Variants in DCLK2 observed in about 807,000 individuals in gnomAD.
The protein encoded by DCLK2 is doublecortin like kinase 2.
In DCLK2, 31 loss-of-function variants were observed where a neutral mutation model predicts 78.4. The observed-to-expected ratio is 0.40, with a 90% CI of 0.30 to 0.53. The LOEUF (loss-of-function observed/expected upper bound fraction) is 0.53. DCLK2 is among the 20% of genes least tolerant of loss of function. The pLI, the probability that DCLK2 is intolerant of heterozygous loss-of-function variation, is 0.61. For missense variants in DCLK2, 872 were observed against 973.7 expected, an observed-to-expected ratio of 0.90 and a Z score of 1.39; for synonymous variants, 407 against 374.9, an observed-to-expected ratio of 1.09 and a Z score of -0.99.
Position 150,078,834 on chromosome 4 carries a change from A to T in DCLK2, c.-194A>T. 1 of 605,384 alleles carries T rather than the reference A, an allele frequency of 1.7e-6. No homozygotes were observed. Among genetic ancestry groups the T allele is most frequent in the Non-Finnish European group, 2.6e-6 (1 of 382,478 alleles). 37.5% of individuals were successfully genotyped at this position (605,384 alleles called of 1,614,324 possible). A position where few individuals can be genotyped will look rare whatever the true frequency, so the allele number is the denominator to read the frequency against. ...TGACCTGGGCAGCTCGGCGCTGCGG[A>T]CACTTTTAGCTGAGGGCGCGGGCGG... On this transcript the variant is annotated 5_prime_UTR_variant, in exon 1 of 16. Coordinates refer to ENST00000296550, the MANE Select transcript of DCLK2 (RefSeq NM_001040260.4).
At position 150,141,065 on chromosome 4, in the gene DCLK2, G is replaced by C. The variant is rs1028797670; in HGVS notation, c.756+38253G>C. 1.2e-4 allele frequency among the ~76,000 whole-genome samples: 19 copies of C among 152,302 alleles called. 1 individual carries two copies. Among genetic ancestry groups the C allele is most frequent in the Admixed American group, 1.2e-3 (19 of 15,300 alleles). ...GAAACCAAAGTGGCAACTGTGTGTG[G>C]CTTTGGGTGTTCTTGTTTTAGGGTG... On this transcript the variant is annotated intron_variant, in intron 2 of 15. Transcript: ENST00000296550.
chr4:150,157,760 G>T (rs1735415659), intron 2 of DCLK2, among the ~76,000 whole-genome samples: 1 of 152,126 alleles, frequency 6.6e-6, no homozygotes, highest in South Asian at 2.1e-4. Context: ...TGATCCGCCT[G>T]CCATGGCCTT....
At chr4:150,136,117 A>G (rs944986331) in intron 2 of DCLK2, among the ~76,000 whole-genome samples, 13 of 152,214 alleles carry the variant, frequency 8.5e-5, no homozygotes, top group African/African-American at 2.9e-4. Context: ...GAGTGAAACC[A>G]AGGATGGAGG....
At chr4:150,189,259 A>T (rs1738208735) in intron 2 of DCLK2, among the ~76,000 whole-genome samples, 2 of 152,156 alleles carry the variant, frequency 1.3e-5, no homozygotes. Context: ...AATAAAAATC[A>T]GTTCAATTCC....
chr4:150,113,111 C>T (rs752872685), intron 2 of DCLK2, among the ~76,000 whole-genome samples: 18 of 151,992 alleles, frequency 1.2e-4, no homozygotes, highest in Admixed American at 3.9e-4. Context: ...TGTGCCCAGC[C>T]TGAATTATCT....
At chr4:150,246,130 C>T (rs1322202769) in intron 12 of DCLK2, among the ~76,000 whole-genome samples, 1 of 151,902 alleles carries the variant, frequency 6.6e-6, no homozygotes, top group South Asian at 2.1e-4. Context: ...CTGCAACCTC[C>T]GCCTCCCAGG....
At chr4:150,160,308 A>G (rs1200042799) in intron 2 of DCLK2, among the ~76,000 whole-genome samples, 2 of 152,108 alleles carry the variant, frequency 1.3e-5, no homozygotes, top group Non-Finnish European at 2.9e-5. Context: ...GTGAGCCACC[A>G]TGCCCGATTT....
At chr4:150,147,649 A>G (rs1164527070) in intron 2 of DCLK2, among the ~76,000 whole-genome samples, 1 of 138,512 alleles carries the variant, frequency 7.2e-6, no homozygotes, top group Non-Finnish European at 1.6e-5. Flanking sequence ...CATTATGTAC[A>G]ATTTGTATTG....
chr4:150,175,061 TATTTATATATATTTATATATTTA>T lies in DCLK2; in HGVS notation c.757-18076_757-18054del, dbSNP rs1560834831. Among the ~76,000 whole-genome samples, 33 of 12,996 alleles carry T rather than the reference TATTTATATATATTTATATATTTA, an allele frequency of 2.5e-3. 9 individuals are homozygous for T. Among genetic ancestry groups the T allele is most frequent in the African/African-American group, 6.2e-3 (32 of 5,160 alleles). 8.5% of individuals were successfully genotyped at this position (12,996 alleles called of 152,430 possible). A position where few individuals can be genotyped will look rare whatever the true frequency, so the allele number is the denominator to read the frequency against. ...ATATATATTTATATATTTATATATA[TATTTATATATATTTATATATTTA>T]TATATATATTTATATATATTTATAT... is the stretch of plus-strand genomic sequence containing the variant. On this transcript the variant is annotated intron_variant, in intron 2 of 15. Coordinates refer to ENST00000296550, the MANE Select transcript of DCLK2 (RefSeq NM_001040260.4).
chr4:150,120,557 C>T lies in DCLK2; in HGVS notation c.756+17745C>T, dbSNP rs1476476131. On this transcript the variant is annotated intron_variant, in intron 2 of 15. Transcript: ENST00000296550. ...GAGAAAAATAGTGCTACAGTCCATA[C>T]AAGCATACTTCAAAGATATGGCAGG... Among the ~76,000 whole-genome samples the T allele has an allele frequency of 2.0e-5, 3 of 152,278 alleles. No homozygotes were observed. The East Asian group carries it at 5.8e-4, about 29-fold the overall frequency.
intron 4 of DCLK2, among the ~76,000 whole-genome samples, chr4:150,203,262 G>A (rs982439100): frequency 1.3e-5 from 2 of 152,180 alleles, no homozygotes; most frequent in African/African-American, 4.8e-5. Flanking sequence ...AAATAAGTAG[G>A]AATTACAAGG....
At chr4:150,203,913 A>G (rs1412139311) in intron 5 of DCLK2, 24 bp downstream of exon 5, 1 of 1,579,274 alleles carries the variant, frequency 6.3e-7, no homozygotes, top group South Asian at 1.1e-5. Context: ...TATGTGGCAT[A>G]TTTGTGTGAT....
intron 1 of DCLK2, among the ~76,000 whole-genome samples, chr4:150,083,839 G>C (rs568310740): frequency 6.6e-6 from 1 of 152,354 alleles, no homozygotes; most frequent in Non-Finnish European, 1.5e-5. Context: ...CACCTATGAA[G>C]TCTCTTCCCA....
intron 1 of DCLK2, among the ~76,000 whole-genome samples, chr4:150,087,761 G>A (rs912628793): frequency 1.3e-5 from 2 of 152,178 alleles, no homozygotes; most frequent in African/African-American, 4.8e-5. Flanking sequence ...GACCCTCTCT[G>A]GAATGGGGGT....
At position 150,198,921 on chromosome 4, in the gene DCLK2, C is replaced by CCCCG. The variant is rs1553967932; in HGVS notation, c.961+818_961+819insCCCG. On this transcript the variant is annotated intron_variant, in intron 4 of 15. Coordinates refer to ENST00000296550, the MANE Select transcript of DCLK2 (RefSeq NM_001040260.4). ...TTTCCCCTTTCAGCACCCCCCCCCC[C>CCCCG]ACTTTCTGTAGGGCAGGTCGTTTTA... 9.9e-6 allele frequency: 6 copies of CCCCG among 605,842 alleles called. No individual in the cohort carries two copies. The African/African-American group carries it at 1.1e-4, about 11-fold the overall frequency. 37.5% of individuals were successfully genotyped at this position (605,842 alleles called of 1,614,324 possible). A position where few individuals can be genotyped will look rare whatever the true frequency, so the allele number is the denominator to read the frequency against.
chr4:150,150,548 A>G (rs1352686002), intron 2 of DCLK2, among the ~76,000 whole-genome samples: 1 of 152,260 alleles, frequency 6.6e-6, no homozygotes, highest in Non-Finnish European at 1.5e-5. Context: ...GCACTGTGTC[A>G]CAGAGTATTT....
intron 2 of DCLK2, among the ~76,000 whole-genome samples, chr4:150,130,912 C>A (rs180952656): frequency 5.9e-5 from 9 of 152,188 alleles, no homozygotes. Context: ...GTGTAGCTGG[C>A]TACAGGTCCT....
chr4:150,170,314 G>A (rs1736427821), intron 2 of DCLK2, among the ~76,000 whole-genome samples: 1 of 152,080 alleles, frequency 6.6e-6, no homozygotes, highest in Admixed American at 6.6e-5. Flanking sequence ...AAAGTTCTGG[G>A]ATTATAGGCA....
rs1460952212 is a variant in DCLK2 at position 150,195,263 on chromosome 4, T to C, written c.859+2023T>C. Among the ~76,000 whole-genome samples the C allele has an allele frequency of 8.2e-4, 4 of 4,888 alleles. 2 individuals are homozygous for C. The East Asian group carries it at 8.5e-3, about 10-fold the overall frequency. 3.2% of individuals were successfully genotyped at this position (4,888 alleles called of 152,430 possible). Reference sequence around the variant, plus strand: ...ATATTATATATTATATATTATATTATATATTATATATTATATTATATATTA... The same window carrying C: ...ATATTATATATTATATATTATATTACATATTATATATTATATTATATATTA... On this transcript the variant is annotated intron_variant, in intron 3 of 15. Coordinates refer to ENST00000296550, the MANE Select transcript of DCLK2 (RefSeq NM_001040260.4).
Sources: allele counts gnomAD v4.1 joint callset (sites outside exome capture counted in the v4.1 genomes callset), GRCh38; gene constraint gnomAD v4.1.1; transcripts MANE v1.5; gene names NCBI Gene and HGNC (gene_info 2026-07-23, HGNC 2026-07-21).